The following NEO1 variants were observed in gnomAD, a reference collection of about 807,000 sequenced individuals.
The protein encoded by NEO1 is neogenin.
A neutral mutation model predicts 159.7 loss-of-function variants in NEO1; 63 were observed. The ratio of observed to expected loss-of-function variants is 0.39; its 90% CI spans 0.32 to 0.49. NEO1 has a LOEUF of 0.49. NEO1 is among the 20% of genes least tolerant of loss of function. The pLI is 0.85. For synonymous variants in NEO1, 633 were observed against 662.0 expected (o/e 0.96, Z 0.67); for missense variants, 1,615 against 1,831.0 (o/e 0.88, Z 2.15).
At chr15:73,127,909 G>A (rs1394373856) in intron 4 of NEO1, among the ~76,000 whole-genome samples, 2 of 152,162 alleles carry the variant, frequency 1.3e-5, no homozygotes, top group Non-Finnish European at 2.9e-5. Context: ...TATTGACTTG[G>A]ACAGGGCAGA....
chr15:73,199,249 A>G (rs1333289210), intron 7 of NEO1, among the ~76,000 whole-genome samples: 1 of 151,638 alleles, frequency 6.6e-6, no homozygotes, highest in Non-Finnish European at 1.5e-5. Flanking sequence ...CAGAGATAAA[A>G]TACTGTTCTC....
chr15:73,067,606 C>G (rs1411860064), intron 1 of NEO1, among the ~76,000 whole-genome samples: 3 of 143,218 alleles, frequency 2.1e-5, no homozygotes, highest in African/African-American at 7.9e-5. Flanking sequence ...CCTGCCACCA[C>G]GCCCAGCTAA....
chr15:73,057,625 T>A (rs1252893085), intron 1 of NEO1, among the ~76,000 whole-genome samples: 1 of 152,176 alleles, frequency 6.6e-6, no homozygotes, highest in Non-Finnish European at 1.5e-5. Context: ...AGAGCTCAAA[T>A]TTTGGATTCA....
chr15:73,097,997 A>AT (rs1207685834), intron 1 of NEO1, among the ~76,000 whole-genome samples: 1 of 151,850 alleles, frequency 6.6e-6, no homozygotes, highest in African/African-American at 2.4e-5. Flanking sequence ...AATGTTACTG[A>AT]TTTTTACATC....
At chr15:73,227,240 A>G (rs993261104) in intron 7 of NEO1, among the ~76,000 whole-genome samples, 3 of 152,158 alleles carry the variant, frequency 2.0e-5, no homozygotes, top group Non-Finnish European at 4.4e-5. Flanking sequence ...TCATACCTGT[A>G]ATCCCAGCAC....
intron 1 of NEO1, among the ~76,000 whole-genome samples, chr15:73,089,292 A>T (rs1480364658): frequency 6.6e-6 from 1 of 152,190 alleles, no homozygotes; most frequent in Non-Finnish European, 1.5e-5. Context: ...AGGATAGATT[A>T]GAATTAATTA....
In NEO1 at chr15:73,140,972, C is replaced by G. The variant is rs372844172; in HGVS notation, c.1015+4945C>G. On this transcript the variant is annotated intron_variant, in intron 5 of 28. Coordinates refer to ENST00000261908, the MANE Select transcript of NEO1 (RefSeq NM_002499.4). ...TTTTGGAGAAGGGCAGAATCGTTAC[C>G]GAATGTTGCACAGCCCGGCTTCTGG... Among the ~76,000 whole-genome samples, 4 of 152,034 alleles carry G rather than the reference C, an allele frequency of 2.6e-5. 1 individual carries two copies. The highest frequency in any genetic ancestry group is 4.8e-5 in the African/African-American group (2 of 41,402).
chr15:73,064,222 CACACTTAA>C (rs2068102605), intron 1 of NEO1, among the ~76,000 whole-genome samples: 1 of 152,166 alleles, frequency 6.6e-6, no homozygotes, highest in Non-Finnish European at 1.5e-5. Flanking sequence ...CCACTTTGTT[CACACTTAA>C]ACTCTGGGAT....
At chr15:73,204,093 G>A (rs1596334381) in intron 7 of NEO1, among the ~76,000 whole-genome samples, 1 of 149,016 alleles carries the variant, frequency 6.7e-6, no homozygotes, top group Non-Finnish European at 1.5e-5. Context: ...GTGCAATTTT[G>A]CTGGATATAG....
chr15:73,203,154 C>G (rs2037001368), intron 7 of NEO1, among the ~76,000 whole-genome samples: 1 of 152,074 alleles, frequency 6.6e-6, no homozygotes, highest in Non-Finnish European at 1.5e-5. Flanking sequence ...TATGATAATT[C>G]TATTGTTACT....
chr15:73,300,490 G>T (rs2042570656), intron 27 of NEO1, among the ~76,000 whole-genome samples: 1 of 152,242 alleles, frequency 6.6e-6, no homozygotes, highest in Non-Finnish European at 1.5e-5. Flanking sequence ...AGCACTTCGG[G>T]AGGCCGAGGC....
chr15:73,255,603 G>A (rs2150964997), intron 13 of NEO1: 1 of 152,294 alleles, frequency 6.6e-6, no homozygotes, highest in East Asian at 1.9e-4. Context: ...GTTCCATTGG[G>A]TTTTCATAGA....
At chr15:73,178,657 T>C (rs182451975) in intron 7 of NEO1, among the ~76,000 whole-genome samples, 1 of 152,348 alleles carries the variant, frequency 6.6e-6, no homozygotes, top group East Asian at 1.9e-4. Flanking sequence ...AAACTGAATA[T>C]TATAGTCTTA....
rs145458913 is a variant in NEO1, at chr15:73,184,061, A to G, written c.1291+5634A>G. ...AGAGAGAAACTAATCATTAGAACTA[A>G]TTTCAGCCTTTGTGACTTCTATGCA... On this transcript the variant is annotated intron_variant, in intron 7 of 28. Coordinates refer to ENST00000261908, the MANE Select transcript of NEO1 (RefSeq NM_002499.4). Among the ~76,000 whole-genome samples the G allele has an allele frequency of 5.7e-3, 863 of 152,298 alleles. 7 individuals carry two copies. The highest frequency in any genetic ancestry group is 0.02 in the African/African-American group (813 of 41,560).
chr15:73,280,618 G>C (rs2041650617), intron 22 of NEO1, among the ~76,000 whole-genome samples: 1 of 152,152 alleles, frequency 6.6e-6, no homozygotes, highest in South Asian at 2.1e-4. Context: ...AATATGAACA[G>C]TATGGTCCAT....
chr15:73,207,601 A>G (rs1253764417), intron 7 of NEO1, among the ~76,000 whole-genome samples: 2 of 152,288 alleles, frequency 1.3e-5, no homozygotes, highest in South Asian at 4.1e-4. Context: ...CTTGTCTAGC[A>G]CTTTCTACTT....
chr15:73,111,378 G>A (rs969337288), intron 1 of NEO1, among the ~76,000 whole-genome samples: 2 of 152,074 alleles, frequency 1.3e-5, no homozygotes, highest in Admixed American at 6.6e-5. Context: ...CGATATGTGT[G>A]TATGAATTTA....
intron 7 of NEO1, among the ~76,000 whole-genome samples, chr15:73,197,005 A>C (rs2152036821): frequency 6.6e-6 from 1 of 152,284 alleles, no homozygotes; most frequent in Admixed American, 6.5e-5. Context: ...TTGTGTTCTT[A>C]AAATTCATTA....
intron 1 of NEO1, among the ~76,000 whole-genome samples, chr15:73,078,464 G>A (rs1472882860): frequency 6.6e-6 from 1 of 152,136 alleles, no homozygotes; most frequent in Non-Finnish European, 1.5e-5. Flanking sequence ...AGTATAGGTG[G>A]CTGGTCTAGT....
Sources: allele counts gnomAD v4.1 joint callset (sites outside exome capture counted in the v4.1 genomes callset), GRCh38; gene constraint gnomAD v4.1.1; transcripts MANE v1.5; gene names NCBI Gene and HGNC (gene_info 2026-07-23, HGNC 2026-07-21).